AGPS: variants seen among roughly 807,000 people sequenced by gnomAD.
AGPS encodes alkylglycerone phosphate synthase.
Under a neutral mutation model 90.7 loss-of-function variants are expected in AGPS, and 26 were observed. That is an observed-to-expected ratio of 0.29 (90% CI 0.21 to 0.40). The LOEUF (loss-of-function observed/expected upper bound fraction) is 0.40, where lower values mean the gene tolerates loss of function less well. AGPS is among the 10% of genes least tolerant of loss of function. AGPS has a pLI of 1.00. For synonymous variants in AGPS, 294 were observed against 285.3 expected (o/e 1.03, Z -0.31); for missense variants, 540 against 816.1 (o/e 0.66, Z 4.12).
intron 19 of AGPS, among the ~76,000 whole-genome samples, chr2:177,534,194 A>G (rs980640395): frequency 6.6e-6 from 1 of 152,180 alleles, no homozygotes; most frequent in Non-Finnish European, 1.5e-5. Context: ...GTAGTTTCAG[A>G]TAATTTTTGG....
At chr2:177,462,353 A>G (rs1168451087) in intron 9 of AGPS, among the ~76,000 whole-genome samples, 1 of 144,194 alleles carries the variant, frequency 6.9e-6, no homozygotes, top group East Asian at 2.1e-4. Flanking sequence ...AAATTGTGCC[A>G]CTGCACTCCA....
intron 2 of AGPS, among the ~76,000 whole-genome samples, chr2:177,425,731 A>G (rs758087465): frequency 6.7e-6 from 1 of 148,608 alleles, no homozygotes; most frequent in Non-Finnish European, 1.5e-5. Flanking sequence ...TGGGATCTCT[A>G]TTCTTTTCCA....
chr2:177,431,714 G>A (rs564514027), intron 2 of AGPS, among the ~76,000 whole-genome samples: 16 of 152,206 alleles, frequency 1.1e-4, no homozygotes, highest in African/African-American at 3.9e-4. Flanking sequence ...AGAAAAATAT[G>A]GCTCTATTGT....
chr2:177,481,946 C>A, intron 10 of AGPS, 113 bp from the exon 11 acceptor site: 1 of 1,029,146 alleles, frequency 9.7e-7, no homozygotes, highest in Non-Finnish European at 1.4e-6. Flanking sequence ...CCCAGGTAGA[C>A]TTGATAAATT....
At chr2:177,414,621 T>G (rs1313429391) in intron 1 of AGPS, among the ~76,000 whole-genome samples, 2 of 152,178 alleles carry the variant, frequency 1.3e-5, no homozygotes, top group Non-Finnish European at 2.9e-5. Context: ...TGGAATTCTA[T>G]CATTCAAAAA....
Position 177,538,373 on chromosome 2 carries a change from A to G in AGPS, c.*178A>G, listed in dbSNP as rs2079202517. ...TTTCTACATCTATGGATTGACAGATAGTATTCCTAAATCTCTCTCATTGTA... is the reference window on the plus strand; with the variant it reads ...TTTCTACATCTATGGATTGACAGATGGTATTCCTAAATCTCTCTCATTGTA... On this transcript the variant is annotated 3_prime_UTR_variant, in exon 20 of 20. Coordinates refer to ENST00000264167, the MANE Select transcript of AGPS (RefSeq NM_003659.4). 25 of 675,212 alleles carry G rather than the reference A, an allele frequency of 3.7e-5. No individual in the cohort carries two copies. In the Admixed American group the frequency reaches 7.3e-4, roughly 20 times the overall value. The allele number at this position is 675,212 out of a possible 1,614,324, so 41.8% of individuals were successfully genotyped here.
intron 6 of AGPS, 187 bp downstream of exon 6, chr2:177,441,223 G>A (rs1346922372): frequency 1.8e-6 from 1 of 570,266 alleles, no homozygotes; most frequent in Non-Finnish European, 3.1e-6. Context: ...TTGAGACATG[G>A]TATACCTTAG....
intron 17 of AGPS, among the ~76,000 whole-genome samples, chr2:177,515,116 G>T (rs781277079): frequency 1.3e-5 from 2 of 151,276 alleles, no homozygotes; most frequent in Non-Finnish European, 2.9e-5. Flanking sequence ...TTAAGCTAAT[G>T]TCGACATAGT....
chr2:177,438,277 T>C (rs527524640), intron 5 of AGPS, among the ~76,000 whole-genome samples: 28 of 152,304 alleles, frequency 1.8e-4, no homozygotes, highest in Middle Eastern at 3.4e-3. Context: ...CTTAGAGAGT[T>C]GGGCTTGGCA....
chr2:177,416,013 C>T (rs1269136791), intron 1 of AGPS, among the ~76,000 whole-genome samples: 1 of 151,992 alleles, frequency 6.6e-6, no homozygotes, highest in East Asian at 1.9e-4. Context: ...CAGTTGTTAA[C>T]CCAGAATGAA....
rs1685059478 is a variant in AGPS, at chr2:177,392,892, G to A, written c.103G>A (p.Gly35Arg). The change falls in exon 1 of 20, where the codon GGG becomes AGG. Residue 35 changes from glycine (G) to arginine (R), a missense_variant. Gly to Arg is a moderately radical substitution (Grantham distance 125, BLOSUM62 -2). This residue lies in a region of AGPS where 135 missense variants were observed against 124.0 expected (regional missense o/e 1.09). Transcript: ENST00000264167. Reference sequence around the variant, plus strand: ...CCGGGACCCGGACCCGGACCGCGCCGGGCGGAGGCTGCGGGTTCTCTCTGG... The same window carrying A: ...CCGGGACCCGGACCCGGACCGCGCCAGGCGGAGGCTGCGGGTTCTCTCTGG... ...RDRDPDPDRAGRRLRVLSGHL... is the reference protein window; with the variant it reads ...RDRDPDPDRARRRLRVLSGHL... The A allele has an allele frequency of 1.9e-6, 3 of 1,550,732 alleles. No individual in the cohort carries two copies. The highest frequency in any genetic ancestry group is 2.6e-6 in the Non-Finnish European group (3 of 1,147,984).
chr2:177,513,956 T>C lies in AGPS; in HGVS notation c.1697+48T>C, dbSNP rs1222964061. On this transcript the variant is annotated intron_variant, in intron 17 of 19. Transcript: ENST00000264167. The stretch of plus-strand genomic sequence containing the variant: ...ATACTTCTTATTCTGAAAAAAATGT[T>C]TTTTTTAATCAAGGGGGGGAATATA... 8.4e-6 allele frequency: 12 copies of C among 1,428,164 alleles called. No individual in the cohort carries two copies. The Admixed American group carries it at 2.0e-4, about 24-fold the overall frequency. The allele number at this position is 1,428,164 out of a possible 1,614,324, so 88.5% of individuals were successfully genotyped here. A position where few individuals can be genotyped will look rare whatever the true frequency, so the allele number is the denominator to read the frequency against.
In AGPS at chr2:177,540,053, A is replaced by G. The variant is rs868072755; in HGVS notation, c.*1858A>G. ...GAAGTATATATATATATATATATAT[A>G]TGTATGCATGTGTGTGTGTGTATAT... On this transcript the variant is annotated 3_prime_UTR_variant, in exon 20 of 20. Transcript: ENST00000264167. 96 of 99,036 alleles carry G rather than the reference A, an allele frequency of 9.7e-4. 1 individual carries two copies. Among genetic ancestry groups the G allele is most frequent in the South Asian group, 1.2e-3 (3 of 2,410 alleles). 6.1% of individuals were successfully genotyped at this position (99,036 alleles called of 1,614,324 possible). A position where few individuals can be genotyped will look rare whatever the true frequency, so the allele number is the denominator to read the frequency against.
intron 15 of AGPS, 46 bp downstream of exon 15, chr2:177,505,621 C>T (rs1559076340): frequency 2.6e-6 from 4 of 1,526,816 alleles, no homozygotes; most frequent in Non-Finnish European, 3.6e-6. Context: ...ATGTTGCAAA[C>T]AATACTTTTT....
At chr2:177,407,843 A>T (rs1318682290) in intron 1 of AGPS, among the ~76,000 whole-genome samples, 1 of 147,370 alleles carries the variant, frequency 6.8e-6, no homozygotes, top group African/African-American at 2.5e-5. Context: ...TTTGTTACCC[A>T]GGTTGGAGTG....
At chr2:177,394,950 G>A (rs75573200) in intron 1 of AGPS, among the ~76,000 whole-genome samples, 5,311 of 152,154 alleles carry the variant, frequency 0.035, 203 homozygotes, top group African/African-American at 0.096. Flanking sequence ...TTGGGAGTAG[G>A]CAACTTAATT....
chr2:177,493,484 G>A (rs1688326992), intron 12 of AGPS, among the ~76,000 whole-genome samples: 1 of 152,180 alleles, frequency 6.6e-6, no homozygotes, highest in African/African-American at 2.4e-5. Context: ...TAAGAGAGAT[G>A]CTTGAGCTAA....
chr2:177,450,809 G>C (rs1372031545), intron 8 of AGPS, among the ~76,000 whole-genome samples: 4 of 151,792 alleles, frequency 2.6e-5, no homozygotes, highest in African/African-American at 9.7e-5. Context: ...TTTTGATTGG[G>C]ATTGCATTGA....
chr2:177,443,384 T>C (rs769711547), intron 7 of AGPS, among the ~76,000 whole-genome samples: 2 of 152,232 alleles, frequency 1.3e-5, no homozygotes, highest in Non-Finnish European at 2.9e-5. Flanking sequence ...TTGAATGTTA[T>C]AGACTTTTGA....
Sources: allele counts gnomAD v4.1 joint callset (sites outside exome capture counted in the v4.1 genomes callset), GRCh38; gene constraint gnomAD v4.1.1; regional missense constraint gnomAD v4.1.1; transcripts MANE v1.5; gene names NCBI Gene and HGNC (gene_info 2026-07-23, HGNC 2026-07-21).